Variants in BRMS1 observed in about 807,000 individuals in gnomAD.
The protein encoded by BRMS1 is breast cancer metastasis-suppressor 1.
BRMS1 carries 26 observed loss-of-function variants against 40.4 expected under a neutral mutation model. The observed-to-expected ratio is 0.64, with a 90% CI of 0.47 to 0.89. The LOEUF is 0.89. Ranked by LOEUF, BRMS1 falls within the 40% of genes least tolerant of loss-of-function variation. The pLI, the probability that BRMS1 is intolerant of heterozygous loss-of-function variation, is 0.00. For missense variants in BRMS1, 289 were observed against 309.4 expected, an observed-to-expected ratio of 0.93 and a Z score of 0.49; for synonymous variants, 103 against 116.0, an observed-to-expected ratio of 0.89 and a Z score of 0.72.
Position 66,342,068 on chromosome 11 carries a change from GTGTGTGTC to G in BRMS1, c.139+20_139+27del. On this transcript the variant is annotated intron_variant, in intron 2 of 9. Transcript: ENST00000359957. The stretch of plus-strand genomic sequence containing the variant: ...GTGTGTAGGGGCTCTGTGTGTGTGT[GTGTGTGTC>G]TGTGTGTGTAGGGGCTCACCGGAGC... 6.2e-7 allele frequency: 1 copy of G among 1,606,268 alleles called. No homozygotes were observed. The highest frequency in any genetic ancestry group is 8.5e-7 in the Non-Finnish European group (1 of 1,176,778).
Position 66,342,090 on chromosome 11 carries a change from G to A in BRMS1, c.139+6C>T, listed in dbSNP as rs1171386653. 2.5e-6 allele frequency: 4 copies of A among 1,611,550 alleles called. No homozygotes were observed. The highest frequency in any genetic ancestry group is 2.7e-5 in the African/African-American group (2 of 74,808). ...TGTGTGTGTGTCTGTGTGTGTAGGGGCTCACCGGAGCTCTCCTCTTCTGAC... is the reference window on the plus strand; with the variant it reads ...TGTGTGTGTGTCTGTGTGTGTAGGGACTCACCGGAGCTCTCCTCTTCTGAC... On this transcript the variant is annotated splice_donor_region_variant and intron_variant, in intron 2 of 9. Coordinates refer to ENST00000359957, the MANE Select transcript of BRMS1 (RefSeq NM_015399.4).
In BRMS1 at chr11:66,342,042, T is replaced by G. The variant is rs1290537550; in HGVS notation, c.139+54A>C. 3.9e-6 allele frequency: 6 copies of G among 1,535,904 alleles called. No homozygotes were observed. The Admixed American group carries it at 5.5e-5, about 14-fold the overall frequency. On this transcript the variant is annotated intron_variant, in intron 2 of 9. Coordinates refer to ENST00000359957, the MANE Select transcript of BRMS1 (RefSeq NM_015399.4). Reference sequence around the variant, plus strand: ...TGTAGGGGCTGTGTGTGTGCATGTGTGTGTGTAGGGGCTCTGTGTGTGTGT... The same window carrying G: ...TGTAGGGGCTGTGTGTGTGCATGTGGGTGTGTAGGGGCTCTGTGTGTGTGT...
chr11:66,344,294 C>A (rs1452548453), intron 1 of BRMS1, among the ~76,000 whole-genome samples: 1 of 152,178 alleles, frequency 6.6e-6, no homozygotes, highest in Non-Finnish European at 1.5e-5. Context: ...GTAATGGTAG[C>A]AAGCTTTCCT....
In BRMS1 at chr11:66,341,629, A is replaced by G. The variant is rs1199035758; in HGVS notation, c.140-6T>C. The G allele has an allele frequency of 6.2e-7, 1 of 1,613,678 alleles. No individual in the cohort carries two copies. Among genetic ancestry groups the G allele is most frequent in the Admixed American group, 1.7e-5 (1 of 60,030 alleles). ...ATAGTCCTCATCATCCATCTCTGGG[A>G]CAAGAGGCCAGTAAGGGCTAGCTCT... On this transcript the variant is annotated splice_polypyrimidine_tract_variant and splice_region_variant and intron_variant, in intron 2 of 9. Transcript: ENST00000359957. The surrounding 1 kb of genome is among the most constrained non-coding windows in gnomAD (Gnocchi z 4.9).
chr11:66,342,372 G>T, intron 1 of BRMS1, 131 bp from the exon 2 acceptor site: 2 of 1,177,718 alleles, frequency 1.7e-6, no homozygotes, highest in Non-Finnish European at 1.2e-6. Context: ...GCCACACCTT[G>T]AGCACAAACT....
rs774685217 is a variant in BRMS1, at chr11:66,341,271, G to T, written c.293C>A (p.Ala98Asp). ...LRLEEVGAER[A>D]PEYTEPLGGL... ...CCCAAGGGGCTCCGTGTATTCAGGG[G>T]CTCTCTCAGCCCCCACTTCCTCCAG... Residue 98 changes from alanine (A) to aspartate (D), a missense_variant, in exon 4 of 10, where the codon GCC becomes GAC. Physicochemically the swap from Ala to Asp is moderately radical, Grantham distance 126 (BLOSUM62 -2). Coordinates refer to ENST00000359957, the MANE Select transcript of BRMS1 (RefSeq NM_015399.4). The surrounding 1 kb of genome is among the most constrained non-coding windows in gnomAD (Gnocchi z 4.9). The T allele has an allele frequency of 6.2e-7, 1 of 1,613,600 alleles. No individual in the cohort carries two copies. Among genetic ancestry groups the T allele is most frequent in the East Asian group, 2.2e-5 (1 of 44,858 alleles).
chr11:66,344,771 C>A (rs1339620226), intron 1 of BRMS1: 2 of 152,364 alleles, frequency 1.3e-5, no homozygotes, highest in African/African-American at 4.8e-5. Context: ...AGAGGTCAAT[C>A]CAGCTTCTCC....
Position 66,342,257 on chromosome 11 carries a change from G to C in BRMS1, c.-7-16C>G, listed in dbSNP as rs1037324520. 1.9e-6 allele frequency: 3 copies of C among 1,610,510 alleles called. No individual in the cohort carries two copies. The highest frequency in any genetic ancestry group is 1.3e-5 in the African/African-American group (1 of 74,880). On this transcript the variant is annotated splice_polypyrimidine_tract_variant and intron_variant, in intron 1 of 9. Transcript: ENST00000359957. Reference sequence around the variant, plus strand: ...CATCTGGACTCTGGGAGAAGGAATGGAGCTATCACTTATGGCTGCCCACAG... The same window carrying C: ...CATCTGGACTCTGGGAGAAGGAATGCAGCTATCACTTATGGCTGCCCACAG...
intron 1 of BRMS1, among the ~76,000 whole-genome samples, chr11:66,344,237 T>C (rs191890396): frequency 2.0e-5 from 3 of 152,372 alleles, no homozygotes; most frequent in Non-Finnish European, 4.4e-5. Flanking sequence ...AAAAAATTTT[T>C]TGTGAGACAG....
At position 66,341,574 on chromosome 11, in the gene BRMS1, C is replaced by T. The variant is rs764114137; in HGVS notation, c.189G>A (p.Glu63=). 3.1e-6 allele frequency: 5 copies of T among 1,614,036 alleles called. No individual in the cohort carries two copies. In the South Asian group the frequency reaches 4.4e-5, roughly 14 times the overall value. Residue 63 remains glutamate, a synonymous_variant, in exon 3 of 10, where the codon GAG becomes GAA. Coordinates refer to ENST00000359957, the MANE Select transcript of BRMS1 (RefSeq NM_015399.4). The surrounding 1 kb of genome is among the most constrained non-coding windows in gnomAD (Gnocchi z 4.9). The part of the protein sequence containing the change: ...YERRRSECVS[E]MLDLEKQFSE... ...AGAACTGCTTCTCTAGGTCCAGCATCTCACTGACACACTCGCTGCGGCGTC... is the reference window on the plus strand; with the variant it reads ...AGAACTGCTTCTCTAGGTCCAGCATTTCACTGACACACTCGCTGCGGCGTC...
intron 8 of BRMS1, 86 bp downstream of exon 8, chr11:66,338,635 A>C: frequency 6.2e-7 from 1 of 1,607,026 alleles, no homozygotes. Flanking sequence ...TGAGCAGAGA[A>C]CTCCCAGGCC....
rs1590929824 is a variant in BRMS1, at chr11:66,341,879, T to C, written c.139+217A>G. On this transcript the variant is annotated intron_variant, in intron 2 of 9. Coordinates refer to ENST00000359957, the MANE Select transcript of BRMS1 (RefSeq NM_015399.4). The surrounding 1 kb of genome is among the most constrained non-coding windows in gnomAD (Gnocchi z 4.9). ...TACTTGTGTGAAGGGGCTGTGTGTG[T>C]GCATACGTGCTTGTGTGTAGGGGCT... The C allele has an allele frequency of 7.5e-6, 5 of 670,476 alleles. No homozygotes were observed. The highest frequency in any genetic ancestry group is 3.6e-5 in the African/African-American group (2 of 56,204). The allele number at this position is 670,476 out of a possible 1,614,324, so 41.5% of individuals were successfully genotyped here. A position where few individuals can be genotyped will look rare whatever the true frequency, so the allele number is the denominator to read the frequency against.
rs1249105388 is a variant in BRMS1 at position 66,341,627 on chromosome 11, G to T, written c.140-4C>A. On this transcript the variant is annotated splice_polypyrimidine_tract_variant and splice_region_variant and intron_variant, in intron 2 of 9. Coordinates refer to ENST00000359957, the MANE Select transcript of BRMS1 (RefSeq NM_015399.4). The surrounding 1 kb of genome is among the most constrained non-coding windows in gnomAD (Gnocchi z 4.9). ...TCATAGTCCTCATCATCCATCTCTG[G>T]GACAAGAGGCCAGTAAGGGCTAGCT... 1.2e-6 allele frequency: 2 copies of T among 1,613,628 alleles called. No homozygotes were observed. The highest frequency in any genetic ancestry group is 3.3e-5 in the Admixed American group (2 of 60,004).
chr11:66,341,231 G>C lies in BRMS1; in HGVS notation c.333C>G (p.Ser111Arg), dbSNP rs371890921. 1.2e-6 allele frequency: 2 copies of C among 1,612,666 alleles called. No homozygotes were observed. Among genetic ancestry groups the C allele is most frequent in the Non-Finnish European group, 1.7e-6 (2 of 1,178,932 alleles). ...YTEPLGGLQR[S>R]LKIRIQVAGI... ...CTGCCACCTGAATGCGAATCTTGAG[G>C]CTCCGCTGCAGCCCCCCAAGGGGCT... Residue 111 changes from serine (S) to arginine (R), a missense_variant, in exon 4 of 10, where the codon AGC becomes AGG. Coordinates refer to ENST00000359957, the MANE Select transcript of BRMS1 (RefSeq NM_015399.4). The surrounding 1 kb of genome is among the most constrained non-coding windows in gnomAD (Gnocchi z 4.9).
intron 7 of BRMS1, chr11:66,339,836 G>C (rs1051134843): frequency 1.2e-5 from 4 of 327,042 alleles, no homozygotes; most frequent in Non-Finnish European, 2.3e-5. Flanking sequence ...TCCTGGGCCC[G>C]AGCAATCTAC....
rs1222620698 is a variant in BRMS1, at chr11:66,341,597, G to T, written c.166C>A (p.Arg56Ser). ...ATCTCACTGACACACTCGCTGCGGC[G>T]TCGCTCATAGTCCTCATCATCCATC... The part of the protein sequence containing the change: ...SEMDDEDYER[R>S]RSECVSEMLD... The change falls in exon 3 of 10, where the codon CGC becomes AGC. Residue 56 changes from arginine to serine, a missense_variant. Physicochemically the swap from Arg to Ser is moderately radical, Grantham distance 110. Coordinates refer to ENST00000359957, the MANE Select transcript of BRMS1 (RefSeq NM_015399.4). The surrounding 1 kb of genome is among the most constrained non-coding windows in gnomAD (Gnocchi z 4.9). The T allele has an allele frequency of 1.2e-6, 2 of 1,613,930 alleles. No individual in the cohort carries two copies. The highest frequency in any genetic ancestry group is 2.2e-5 in the East Asian group (1 of 44,894).
At chr11:66,339,256 A>G (rs1184191463) in intron 7 of BRMS1, among the ~76,000 whole-genome samples, 2 of 152,160 alleles carry the variant, frequency 1.3e-5, no homozygotes, top group African/African-American at 2.4e-5. Flanking sequence ...GGTTGCCATA[A>G]TGACTAAGAC....
chr11:66,339,900 C>A (rs906773112), intron 7 of BRMS1: 22 of 472,528 alleles, frequency 4.7e-5, no homozygotes, highest in African/African-American at 3.9e-4. Context: ...CGGAGCCCAG[C>A]CCGTTTCTGT....
At chr11:66,338,217 G>A (rs1280212670) in intron 9 of BRMS1, 26 bp downstream of exon 9, 1 of 1,608,710 alleles carries the variant, frequency 6.2e-7, no homozygotes, top group Non-Finnish European at 8.5e-7. Flanking sequence ...GGGCAGGGAA[G>A]GCCATGCAAC....
Sources: allele counts gnomAD v4.1 joint callset (sites outside exome capture counted in the v4.1 genomes callset), GRCh38; gene constraint gnomAD v4.1.1; non-coding constraint Gnocchi (gnomAD v3.1); transcripts MANE v1.5; gene names NCBI Gene and HGNC (gene_info 2026-07-23, HGNC 2026-07-21).